DOK6: variants seen among roughly 807,000 people sequenced by gnomAD.
The protein encoded by DOK6 is downstream of tyrosine kinase 6.
A neutral mutation model predicts 44.0 loss-of-function variants in DOK6; 22 were observed. The observed-to-expected ratio is 0.50, with a 90% CI of 0.36 to 0.71. DOK6 has a LOEUF of 0.71. Ranked by LOEUF, DOK6 falls within the 30% of genes least tolerant of loss-of-function variation. The probability of loss-of-function intolerance (pLI) is 0.00; values close to 1 mark genes in which losing one functional copy is unlikely to be tolerated. For missense variants in DOK6, 340 were observed against 416.4 expected (o/e 0.82, Z 1.60); for synonymous variants, 166 against 145.5 (o/e 1.14, Z -1.01).
At chr18:69,803,984 A>C (rs747013158) in intron 7 of DOK6, among the ~76,000 whole-genome samples, 5 of 152,226 alleles carry the variant, frequency 3.3e-5, no homozygotes, top group Non-Finnish European at 5.9e-5. Context: ...TCTATTTCAC[A>C]TGAGTTTTGG....
chr18:69,428,751 C>T (rs1978713756), intron 1 of DOK6, among the ~76,000 whole-genome samples: 1 of 152,126 alleles, frequency 6.6e-6, no homozygotes. Context: ...TCTCTATTCT[C>T]CTTTTATAAA....
intron 1 of DOK6, among the ~76,000 whole-genome samples, chr18:69,544,991 C>A (rs1982364303): frequency 6.6e-6 from 1 of 150,834 alleles, no homozygotes; most frequent in Admixed American, 6.6e-5. Context: ...TGTAGTGGTG[C>A]ACGTCTGTAA....
intron 3 of DOK6, among the ~76,000 whole-genome samples, chr18:69,624,485 G>T (rs1984511934): frequency 6.6e-6 from 1 of 152,022 alleles, no homozygotes; most frequent in South Asian, 2.1e-4. Context: ...AAAAATAATT[G>T]TAGTCTCACT....
intron 1 of DOK6, among the ~76,000 whole-genome samples, chr18:69,415,296 G>A (rs765886631): frequency 2.0e-5 from 3 of 152,082 alleles, no homozygotes; most frequent in Admixed American, 2.0e-4. Flanking sequence ...ATGGAAAATG[G>A]TAGCAACTGT....
chr18:69,834,855 T>C (rs1430794334), intron 7 of DOK6, among the ~76,000 whole-genome samples: 2 of 152,184 alleles, frequency 1.3e-5, no homozygotes, highest in Admixed American at 6.5e-5. Flanking sequence ...GGGTAAGTTA[T>C]AGAGAGAAGA....
At chr18:69,642,378 C>A (rs956742553) in intron 3 of DOK6, among the ~76,000 whole-genome samples, 7 of 151,668 alleles carry the variant, frequency 4.6e-5, no homozygotes, top group Non-Finnish European at 8.8e-5. Context: ...AGTCAAGAAC[C>A]ACTTGTTTGC....
chr18:69,594,673 G>C (rs1315924117), intron 2 of DOK6, among the ~76,000 whole-genome samples: 1 of 151,712 alleles, frequency 6.6e-6, no homozygotes, highest in Non-Finnish European at 1.5e-5. Flanking sequence ...CTTTGCAGAT[G>C]AGATGATCTT....
chr18:69,433,293 G>A (rs1413126772), intron 1 of DOK6, among the ~76,000 whole-genome samples: 1 of 152,012 alleles, frequency 6.6e-6, no homozygotes, highest in African/African-American at 2.4e-5. Flanking sequence ...TTTTCTTCCT[G>A]AATTTTTTTT....
chr18:69,647,044 G>A (rs73461933), intron 3 of DOK6, among the ~76,000 whole-genome samples: 17,952 of 58,092 alleles, frequency 0.31, 1,184 homozygotes, highest in Admixed American at 0.45. Flanking sequence ...TGTCTATCCT[G>A]TCTATCTGTC....
At chr18:69,600,299 C>T (rs566524664) in intron 3 of DOK6, among the ~76,000 whole-genome samples, 1 of 152,236 alleles carries the variant, frequency 6.6e-6, no homozygotes, top group South Asian at 2.1e-4. Flanking sequence ...TTATATTATT[C>T]TAAAACTGAT....
At chr18:69,500,284 C>T (rs1010757977) in intron 1 of DOK6, among the ~76,000 whole-genome samples, 2 of 152,148 alleles carry the variant, frequency 1.3e-5, no homozygotes, top group African/African-American at 4.8e-5. Context: ...AAATAAATAT[C>T]CACATTTCAG....
intron 1 of DOK6, among the ~76,000 whole-genome samples, chr18:69,506,687 T>G (rs1341153738): frequency 6.6e-6 from 1 of 152,140 alleles, no homozygotes; most frequent in African/African-American, 2.4e-5. Context: ...CATCTAGAAT[T>G]GTGAGTAAAC....
chr18:69,524,447 C>T (rs1369028599), intron 1 of DOK6, among the ~76,000 whole-genome samples: 1 of 151,952 alleles, frequency 6.6e-6, no homozygotes, highest in Non-Finnish European at 1.5e-5. Context: ...TTTCATTGTA[C>T]TTATACTCCC....
intron 1 of DOK6, among the ~76,000 whole-genome samples, chr18:69,548,672 T>C (rs1478060485): frequency 2.6e-5 from 4 of 151,610 alleles, no homozygotes; most frequent in African/African-American, 9.7e-5. Flanking sequence ...CGACCTGAAA[T>C]ACACGGTCAC....
intron 3 of DOK6, among the ~76,000 whole-genome samples, chr18:69,673,881 AT>A (rs1394828007): frequency 2.0e-5 from 3 of 152,256 alleles, no homozygotes; most frequent in African/African-American, 7.2e-5. Context: ...TAATGTCTTT[AT>A]TCTCCCATAA....
intron 7 of DOK6, among the ~76,000 whole-genome samples, chr18:69,766,571 G>A (rs1295262211): frequency 6.6e-6 from 1 of 152,130 alleles, no homozygotes; most frequent in Non-Finnish European, 1.5e-5. Flanking sequence ...AAAGAAGTAA[G>A]CTAGAGAAAA....
At chr18:69,717,674 C>T (rs1986915515) in intron 5 of DOK6, among the ~76,000 whole-genome samples, 1 of 152,094 alleles carries the variant, frequency 6.6e-6, no homozygotes, top group South Asian at 2.1e-4. Context: ...GGTTAGGATT[C>T]CTTAGTTTGA....
chr18:69,838,348 T>C (rs1465753891), intron 7 of DOK6, among the ~76,000 whole-genome samples: 1 of 152,122 alleles, frequency 6.6e-6, no homozygotes, highest in Non-Finnish European at 1.5e-5. Context: ...ACAGAAACTA[T>C]GAATTGTCAT....
chr18:69,798,128 C>A (rs1440370642), intron 7 of DOK6, among the ~76,000 whole-genome samples: 1 of 151,846 alleles, frequency 6.6e-6, no homozygotes, highest in Non-Finnish European at 1.5e-5. Flanking sequence ...AGATAAATTG[C>A]AAGGAAAATA....
Sources: gnomAD v4.1 joint callset for allele counts (sites outside exome capture counted in the v4.1 genomes callset) on GRCh38, gnomAD v4.1.1 for gene constraint, MANE v1.5 for transcripts, NCBI Gene and HGNC (gene_info 2026-07-23, HGNC 2026-07-21) for gene names.